C12orf42: variants seen among roughly 807,000 people sequenced by gnomAD.
C12orf42 encodes uncharacterized protein C12orf42.
In C12orf42, 25 loss-of-function variants were observed where a neutral mutation model predicts 21.6. The observed-to-expected ratio is 1.16, with a 90% confidence interval of 0.84 to 1.62. The LOEUF is 1.62. C12orf42 is among the 40% of genes most tolerant of loss of function. The pLI is 0.00. For missense variants in C12orf42, 483 were observed against 459.3 expected, an observed-to-expected ratio of 1.05 and a Z score of -0.47; for synonymous variants, 174 against 175.0, an observed-to-expected ratio of 0.99 and a Z score of 0.05.
intron 3 of C12orf42, among the ~76,000 whole-genome samples, chr12:103,388,514 G>C (rs1165649623): frequency 1.3e-5 from 2 of 152,082 alleles, no homozygotes; most frequent in Non-Finnish European, 2.9e-5. Flanking sequence ...TTGAAAATGG[G>C]ATTCTACTGC....
At chr12:103,068,737 C>T in the C12orf42 span, among the ~76,000 whole-genome samples, 1 of 151,286 alleles carries the variant, frequency 6.6e-6, no homozygotes, top group Admixed American at 6.6e-5. Flanking sequence ...ATGCTGAATG[C>T]TTCCTGCCCT....
At chr12:103,434,053 A>G (rs1239571308) in intron 2 of C12orf42, among the ~76,000 whole-genome samples, 2 of 152,206 alleles carry the variant, frequency 1.3e-5, no homozygotes, top group African/African-American at 4.8e-5. Context: ...ATTTTTTTAA[A>G]ATGAAGACAT....
the C12orf42 span, among the ~76,000 whole-genome samples, chr12:103,501,160 G>T: frequency 6.6e-6 from 1 of 152,192 alleles, no homozygotes; most frequent in Non-Finnish European, 1.5e-5. Flanking sequence ...CCTGTGGGCC[G>T]ATGGGCCTTG....
the C12orf42 span, among the ~76,000 whole-genome samples, chr12:103,139,972 T>G: frequency 6.6e-6 from 1 of 152,214 alleles, no homozygotes; most frequent in Non-Finnish European, 1.5e-5. Flanking sequence ...CTCATCTCAT[T>G]GCTCTGTAGG....
the C12orf42 span, among the ~76,000 whole-genome samples, chr12:103,194,902 C>A: frequency 6.6e-6 from 1 of 152,114 alleles, no homozygotes; most frequent in East Asian, 1.9e-4. Flanking sequence ...ACCCAGGTAA[C>A]AAACATAGCA....
intron 4 of C12orf42, among the ~76,000 whole-genome samples, chr12:103,313,336 A>G (rs1244018534): frequency 6.6e-6 from 1 of 152,232 alleles, no homozygotes; most frequent in African/African-American, 2.4e-5. Flanking sequence ...GCCATCTCCT[A>G]TTCAGCTTTT....
At chr12:103,113,117 CT>C in the C12orf42 span, among the ~76,000 whole-genome samples, 1 of 151,364 alleles carries the variant, frequency 6.6e-6, no homozygotes, top group Non-Finnish European at 1.5e-5. Context: ...GGAAAAGATA[CT>C]GGAAAACTTG....
chr12:103,368,846 T>C (rs747748196), intron 4 of C12orf42, 41 bp downstream of exon 4: 3 of 1,074,580 alleles, frequency 2.8e-6, no homozygotes, highest in Middle Eastern at 2.0e-4. Context: ...CAGAGTTTCT[T>C]TGGAAACTCT....
In C12orf42 at chr12:103,467,603, C is replaced by T. The variant is rs991842206; in HGVS notation, c.78+10746G>A. 8.5e-5 allele frequency among the ~76,000 whole-genome samples: 13 copies of T among 152,182 alleles called. No individual in the cohort carries two copies. The South Asian group carries it at 1.0e-3, about 12-fold the overall frequency. ...TCTGCTATATTTCCTCTTGGGCCAA[C>T]GCACTTCAGTAAATGGTCTCTATTT... On this transcript the variant is annotated intron_variant, in intron 2 of 5. Coordinates refer to ENST00000548883, the MANE Select transcript of C12orf42 (RefSeq NM_198521.5).
At chr12:103,517,471 A>C in the C12orf42 span, among the ~76,000 whole-genome samples, 1 of 152,228 alleles carries the variant, frequency 6.6e-6, no homozygotes, top group African/African-American at 2.4e-5. Context: ...CTGATGCCAA[A>C]CATGAAATGT....
At chr12:103,534,983 T>A in the C12orf42 span, among the ~76,000 whole-genome samples, 5 of 152,242 alleles carry the variant, frequency 3.3e-5, no homozygotes, top group African/African-American at 1.2e-4. Flanking sequence ...AAGTATCACC[T>A]GGCCCTTATT....
chr12:103,143,928 A>G, the C12orf42 span, among the ~76,000 whole-genome samples: 21 of 152,308 alleles, frequency 1.4e-4, no homozygotes, highest in African/African-American at 4.8e-4. Flanking sequence ...TAATAATACT[A>G]TACTACGACT....
the C12orf42 span, among the ~76,000 whole-genome samples, chr12:103,153,896 A>G: frequency 6.6e-6 from 1 of 152,040 alleles, no homozygotes; most frequent in Non-Finnish European, 1.5e-5. Context: ...GTCCAAAACT[A>G]TAACTTTCAA....
chr12:103,341,840 A>G (rs769637226), intron 4 of C12orf42, among the ~76,000 whole-genome samples: 1 of 152,230 alleles, frequency 6.6e-6, no homozygotes, highest in Non-Finnish European at 1.5e-5. Context: ...GCTTATATTA[A>G]TGTAAAAGTA....
chr12:103,491,243 T>A (rs538370081), intron 1 of C12orf42, among the ~76,000 whole-genome samples: 2 of 152,338 alleles, frequency 1.3e-5, no homozygotes, highest in Non-Finnish European at 2.9e-5. Flanking sequence ...GAGTTAATTT[T>A]AATTATTTTT....
the C12orf42 span, chr12:103,156,159 T>C: frequency 2.6e-5 from 4 of 152,282 alleles, no homozygotes; most frequent in Admixed American, 1.3e-4. Flanking sequence ...TTGAATCAGT[T>C]TGAATGTTCT....
At chr12:103,501,420 G>A in the C12orf42 span, among the ~76,000 whole-genome samples, 2 of 152,216 alleles carry the variant, frequency 1.3e-5, no homozygotes, top group African/African-American at 4.8e-5. Context: ...CACTGCTGAA[G>A]GGGGCTAAAT....
chr12:103,478,264 A>G, intron 2 of C12orf42, 85 bp downstream of exon 2: 1 of 815,924 alleles, frequency 1.2e-6, no homozygotes, highest in African/African-American at 1.7e-5. Flanking sequence ...ATGACACTGA[A>G]TCAAGAATCA....
At chr12:103,211,526 C>G in the C12orf42 span, among the ~76,000 whole-genome samples, 1 of 152,168 alleles carries the variant, frequency 6.6e-6, no homozygotes, top group Non-Finnish European at 1.5e-5. Context: ...AGGCAACTTA[C>G]GAAGCTGGCC....
Sources: allele counts gnomAD v4.1 joint callset (sites outside exome capture counted in the v4.1 genomes callset), GRCh38; gene constraint gnomAD v4.1.1; transcripts MANE v1.5; gene names NCBI Gene and HGNC (gene_info 2026-07-23, HGNC 2026-07-21).